AGBL1: variants seen among roughly 807,000 people sequenced by gnomAD.
The protein encoded by AGBL1 is cytosolic carboxypeptidase 4.
Under a neutral mutation model 118.9 loss-of-function variants are expected in AGBL1, and 130 were observed. The ratio of observed to expected loss-of-function variants is 1.09; its 90% CI spans 0.95 to 1.26. AGBL1 has a LOEUF of 1.26. Ranked by LOEUF, AGBL1 falls within the 50% of genes most tolerant of loss-of-function variation. The probability of loss-of-function intolerance (pLI) is 0.00; values close to 1 mark genes in which losing one functional copy is unlikely to be tolerated. For missense variants in AGBL1, 1,584 were observed against 1,298.1 expected, an observed-to-expected ratio of 1.22 and a Z score of -3.38; for synonymous variants, 555 against 478.9, an observed-to-expected ratio of 1.16 and a Z score of -2.08.
At chr15:86,293,317 G>A (rs1290004545) in intron 16 of AGBL1, among the ~76,000 whole-genome samples, 1 of 152,210 alleles carries the variant, frequency 6.6e-6, no homozygotes, top group Non-Finnish European at 1.5e-5. Context: ...GAAGACCAGG[G>A]TTTTGGGGTT....
chr15:86,985,922 CTTTTTTTTTTTT>C (rs57966049), intron 23 of AGBL1, among the ~76,000 whole-genome samples: 2 of 149,942 alleles, frequency 1.3e-5, no homozygotes, highest in South Asian at 2.1e-4. Context: ...GGATAGCAAT[CTTTTTTTTTTTT>C]TTTTTTTGAG....
chr15:86,312,362 G>A (rs2079934029), intron 17 of AGBL1: 1 of 152,194 alleles, frequency 6.6e-6, no homozygotes, highest in Non-Finnish European at 1.5e-5. Context: ...GCGGTAGCTG[G>A]GAGCTCACTT....
chr15:86,797,278 C>T (rs983415356), intron 22 of AGBL1, among the ~76,000 whole-genome samples: 10 of 152,228 alleles, frequency 6.6e-5, no homozygotes, highest in African/African-American at 2.4e-4. Context: ...CACGCTGGAG[C>T]TCACTATCCC....
intron 22 of AGBL1, among the ~76,000 whole-genome samples, chr15:86,729,323 G>T (rs1567144057): frequency 6.6e-6 from 1 of 152,122 alleles, no homozygotes; most frequent in Non-Finnish European, 1.5e-5. Context: ...ACACATGCAG[G>T]TTTGTTATGT....
At position 86,718,262 on chromosome 15, in the gene AGBL1, A is replaced by G. The variant is rs189223603; in HGVS notation, c.3158+43826A>G. On this transcript the variant is annotated intron_variant, in intron 22 of 22. Coordinates refer to ENST00000614907, the MANE Select transcript of AGBL1 (RefSeq NM_001386094.1). ...ACAGACATGGATGAAGCTGGAAACA[A>G]TCATTCTGAGCAAACTATCTCAAGG... Among the ~76,000 whole-genome samples, 31 of 152,100 alleles carry G rather than the reference A, an allele frequency of 2.0e-4. No individual in the cohort carries two copies. In the South Asian group the frequency reaches 2.5e-3, roughly 12 times the overall value.
At chr15:86,925,720 C>CTT (rs375125663) in intron 23 of AGBL1, among the ~76,000 whole-genome samples, 2,184 of 131,970 alleles carry the variant, frequency 0.017, 59 homozygotes, top group African/African-American at 0.058. Context: ...TTTTTCTTTT[C>CTT]TTTTTTTTTT....
chr15:86,613,240 C>T lies in AGBL1; in HGVS notation c.2994+58703C>T, dbSNP rs185977373. Reference sequence around the variant, plus strand: ...AAACAAATTAAAGCAGGAATCGGAGCGAGAGGTTTGTTGGTTTTGGAACGT... The same window carrying T: ...AAACAAATTAAAGCAGGAATCGGAGTGAGAGGTTTGTTGGTTTTGGAACGT... On this transcript the variant is annotated intron_variant, in intron 21 of 22. Transcript: ENST00000614907. This position sits in a 1 kb window ranked among gnomAD's most constrained non-coding sequence, Gnocchi z 4.2. Among the ~76,000 whole-genome samples the T allele has an allele frequency of 3.9e-5, 6 of 152,090 alleles. No homozygotes were observed. The highest frequency in any genetic ancestry group is 1.9e-4 in the East Asian group (1 of 5,180).
chr15:86,674,349 A>C lies in AGBL1; in HGVS notation c.3071A>C (p.Lys1024Thr). Residue 1024 changes from lysine to threonine, a missense_variant, in exon 22 of 23, where the codon AAA (lysine) becomes ACA (threonine). Transcript: ENST00000614907. ...TTGGGCCTCCTCATCCTGGAGCTCAAATCTGCCAGCTGCAGCCATCAGCTC... is the reference window on the plus strand; with the variant it reads ...TTGGGCCTCCTCATCCTGGAGCTCACATCTGCCAGCTGCAGCCATCAGCTC... ...FCLGLLILEL[K>T]SASCSHQLLA... 1 of 1,612,690 alleles carries C rather than the reference A, an allele frequency of 6.2e-7. No individual in the cohort carries two copies.
At chr15:86,530,806 C>A (rs2083339155) in intron 19 of AGBL1, among the ~76,000 whole-genome samples, 1 of 125,702 alleles carries the variant, frequency 8.0e-6, no homozygotes, top group Admixed American at 7.6e-5. Flanking sequence ...TTAAGAATCT[C>A]ACTCAAAGCC....
rs548218154 is a variant in AGBL1 at position 86,196,197 on chromosome 15, TA to T, written c.489-28715del. ...AGCATGCATTCTGACTTAAATGATT[TA>T]AGCAGAAAGAAATCTTATTTCATGC... is the stretch of plus-strand genomic sequence containing the variant. On this transcript the variant is annotated intron_variant, in intron 5 of 22. Coordinates refer to ENST00000614907, the MANE Select transcript of AGBL1 (RefSeq NM_001386094.1). Among the ~76,000 whole-genome samples, 131 of 152,342 alleles carry T rather than the reference TA, an allele frequency of 8.6e-4. 1 individual carries two copies. Among genetic ancestry groups the T allele is most frequent in the African/African-American group, 3.0e-3 (123 of 41,588 alleles).
At chr15:86,605,001 G>T (rs1567080048) in intron 21 of AGBL1, among the ~76,000 whole-genome samples, 1 of 151,840 alleles carries the variant, frequency 6.6e-6, no homozygotes, top group African/African-American at 2.4e-5. Context: ...CTCCATGTTG[G>T]TCAGGCTGGT....
intron 24 of AGBL1, among the ~76,000 whole-genome samples, chr15:87,008,171 A>C (rs922830728): frequency 6.6e-6 from 1 of 152,190 alleles, no homozygotes; most frequent in Admixed American, 6.5e-5. Context: ...TGGGTAAGGA[A>C]GATCTGCTTC....
At chr15:86,188,749 T>C (rs1397717703) in intron 5 of AGBL1, among the ~76,000 whole-genome samples, 3 of 152,200 alleles carry the variant, frequency 2.0e-5, no homozygotes, top group Non-Finnish European at 4.4e-5. Context: ...GCCTACAAGA[T>C]GGTACATCTT....
At chr15:86,342,850 T>C (rs1225032153) in intron 17 of AGBL1, among the ~76,000 whole-genome samples, 1 of 152,228 alleles carries the variant, frequency 6.6e-6, no homozygotes, top group Non-Finnish European at 1.5e-5. Context: ...GCTTATAGTA[T>C]AGTAGAGAAG....
intron 23 of AGBL1, among the ~76,000 whole-genome samples, chr15:86,979,115 G>C (rs745889064): frequency 5.3e-5 from 8 of 152,138 alleles, no homozygotes; most frequent in African/African-American, 1.2e-4. Flanking sequence ...CATCTAAACT[G>C]TCATTAAAAC....
At chr15:86,886,361 T>C (rs1302928621) in intron 22 of AGBL1, among the ~76,000 whole-genome samples, 1 of 152,236 alleles carries the variant, frequency 6.6e-6, no homozygotes, top group Non-Finnish European at 1.5e-5. Context: ...TTTAACAGTT[T>C]AAGGTATGAA....
At chr15:86,991,660 T>C (rs959904472) in intron 24 of AGBL1, among the ~76,000 whole-genome samples, 2 of 152,070 alleles carry the variant, frequency 1.3e-5, no homozygotes, top group Admixed American at 1.3e-4. Flanking sequence ...GATGTGAATA[T>C]TGTCTGTTTT....
chr15:86,948,624 C>A (rs560398122), intron 23 of AGBL1, among the ~76,000 whole-genome samples: 1 of 152,166 alleles, frequency 6.6e-6, no homozygotes, highest in Non-Finnish European at 1.5e-5. Context: ...TGATTGAATG[C>A]GTGTGATGAG....
intron 22 of AGBL1, among the ~76,000 whole-genome samples, chr15:86,745,246 G>C (rs1031412): frequency 0.75 from 113,783 of 151,948 alleles, 43,204 homozygotes; most frequent in East Asian, 0.95. Context: ...TGGGCATTGT[G>C]CCCAATCTTT....
Sources: gnomAD v4.1 joint callset for allele counts (sites outside exome capture counted in the v4.1 genomes callset) on GRCh38, gnomAD v4.1.1 for gene constraint, Gnocchi (gnomAD v3.1) non-coding constraint, MANE v1.5 for transcripts, NCBI Gene and HGNC (gene_info 2026-07-23, HGNC 2026-07-21) for gene names.